TET2: variants seen among roughly 807,000 people sequenced by gnomAD.
The protein encoded by TET2 is methylcytosine dioxygenase TET2.
A neutral mutation model predicts 142.9 loss-of-function variants in TET2; 299 were observed. The observed-to-expected ratio is 2.09, with a 90% CI of 1.90 to 2.30. The LOEUF (loss-of-function observed/expected upper bound fraction) is 2.30, where lower values mean the gene tolerates loss of function less well. Ranked by LOEUF, TET2 falls within the 30% of genes most tolerant of loss-of-function variation. The pLI is 0.00. For synonymous variants in TET2, 819 were observed against 849.0 expected (o/e 0.96, Z 0.61); for missense variants, 2,418 against 2,378.0 (o/e 1.02, Z -0.35).
At chr4:105,252,025 T>TG (rs1425489125) in intron 6 of TET2, among the ~76,000 whole-genome samples, 3 of 152,182 alleles carry the variant, frequency 2.0e-5, no homozygotes, top group African/African-American at 7.2e-5. Flanking sequence ...TCAATGAACC[T>TG]GCATTGACAA....
intron 3 of TET2, chr4:105,240,180 A>G (rs968077497): frequency 4.1e-6 from 1 of 244,186 alleles, no homozygotes; most frequent in African/African-American, 2.2e-5. Flanking sequence ...ATACAGAGAC[A>G]TGAAGTGAGC....
At position 105,235,508 on chromosome 4, in the gene TET2, TGGAGA is replaced by T. The variant is rs1244894731; in HGVS notation, c.1568_1572del (p.Gly523AlafsTer42). 6.2e-7 allele frequency: 1 copy of T among 1,614,062 alleles called. No individual in the cohort carries two copies. The highest frequency in any genetic ancestry group is 8.5e-7 in the Non-Finnish European group (1 of 1,179,992). On this transcript the variant is annotated frameshift_variant, in exon 3 of 11. Coordinates refer to ENST00000380013, the MANE Select transcript of TET2 (RefSeq NM_001127208.3). LOFTEE classifies it high-confidence loss of function. ...ATAACCCACCAATTTTTGGTAGCAG[TGGAGA>T]GCTACAGGACAACTGCCAGCAGTTG...
intron 2 of TET2, among the ~76,000 whole-genome samples, chr4:105,205,908 A>T (rs1370234690): frequency 6.6e-6 from 1 of 152,238 alleles, no homozygotes; most frequent in Non-Finnish European, 1.5e-5. Context: ...TGCTAGGATT[A>T]CAGGCGTGAG....
chr4:105,163,854 A>AGAGAGAGAGAGAGAGAGTGTGT (rs1553942671), intron 1 of TET2, among the ~76,000 whole-genome samples: 4 of 85,158 alleles, frequency 4.7e-5, no homozygotes, highest in Non-Finnish European at 7.2e-5. Flanking sequence ...AGAGAGAGAG[A>AGAGAGAGAGAGAGAGAGTGTGT]GTGTGTGTGT....
chr4:105,267,071 A>G (rs1202504906), intron 8 of TET2, among the ~76,000 whole-genome samples: 1 of 151,892 alleles, frequency 6.6e-6, no homozygotes, highest in Non-Finnish European at 1.5e-5. Context: ...AAGAGAGAAG[A>G]TGTAAGAGAA....
chr4:105,248,737 A>G (rs1729708306), intron 6 of TET2, among the ~76,000 whole-genome samples: 1 of 152,122 alleles, frequency 6.6e-6, no homozygotes, highest in Non-Finnish European at 1.5e-5. Flanking sequence ...TGCAAATGTC[A>G]CCTCTACCTA....
At chr4:105,239,803 A>G (rs939997367) in intron 3 of TET2, 5 of 229,904 alleles carry the variant, frequency 2.2e-5, no homozygotes, top group Non-Finnish European at 4.3e-5. Flanking sequence ...TTGGCTTTTG[A>G]CATGCCTTCC....
chr4:105,259,475 C>G (rs766323801), intron 6 of TET2, 144 bp from the exon 7 acceptor site: 2 of 647,000 alleles, frequency 3.1e-6, no homozygotes, highest in Admixed American at 3.4e-5. Context: ...TGAAATAGTT[C>G]TGTGTGTGGT....
rs1731201079 is a variant in TET2, at chr4:105,275,983, C to T, written c.5473C>T (p.Gln1825Ter). Reference protein sequence around the residue: ...GLHKLSDANGQEKQPLALVQG... With the variant: ...GLHKLSDANG ...ACACAAATTAAGTGATGCTAATGGT[C>T]AGGAAAAGCAGCCATTGGCACTAGT... Residue 1825 changes from glutamine to a stop codon, truncating the protein, a stop_gained, in exon 11 of 11, where the codon CAG becomes TAG. Coordinates refer to ENST00000380013, the MANE Select transcript of TET2 (RefSeq NM_001127208.3). LOFTEE classifies it low-confidence loss of function (END_TRUNC). 1 of 1,551,638 alleles carries T rather than the reference C, an allele frequency of 6.4e-7. No individual in the cohort carries two copies.
At chr4:105,167,167 A>G (rs935887734) in intron 1 of TET2, among the ~76,000 whole-genome samples, 1 of 151,828 alleles carries the variant, frequency 6.6e-6, no homozygotes, top group Admixed American at 6.6e-5. Context: ...AACTTTTGAT[A>G]TTTTTGTTAA....
chr4:105,193,281 A>G (rs755953053), intron 2 of TET2, among the ~76,000 whole-genome samples: 4 of 152,148 alleles, frequency 2.6e-5, no homozygotes, highest in African/African-American at 4.8e-5. Context: ...TAGGGCAGGA[A>G]TGGGCCAGGC....
chr4:105,239,244 A>G (rs1470137330), intron 3 of TET2: 2 of 241,782 alleles, frequency 8.3e-6, no homozygotes, highest in Non-Finnish European at 1.7e-5. Flanking sequence ...CAGAATGGTA[A>G]ATGAGTATGG....
intron 6 of TET2, among the ~76,000 whole-genome samples, chr4:105,252,877 A>G (rs1729940624): frequency 1.3e-5 from 2 of 152,250 alleles, no homozygotes; most frequent in Admixed American, 6.5e-5. Flanking sequence ...TTCCCGTACC[A>G]TTTCTTAAAG....
intron 1 of TET2, among the ~76,000 whole-genome samples, chr4:105,165,041 T>C (rs1262839455): frequency 6.6e-6 from 1 of 152,152 alleles, no homozygotes; most frequent in Non-Finnish European, 1.5e-5. Flanking sequence ...TGTATCATAT[T>C]TTCAGGAAGA....
chr4:105,182,678 C>A (rs1289195158), intron 1 of TET2, among the ~76,000 whole-genome samples: 1 of 152,044 alleles, frequency 6.6e-6, no homozygotes, highest in African/African-American at 2.4e-5. Context: ...TTCCTTGTTT[C>A]AATTTTTAGA....
chr4:105,228,193 T>C (rs1370154437), intron 2 of TET2, among the ~76,000 whole-genome samples: 1 of 152,122 alleles, frequency 6.6e-6, no homozygotes, highest in Non-Finnish European at 1.5e-5. Flanking sequence ...AAAGAAAATA[T>C]TGCATTTTTC....
Position 105,278,171 on chromosome 4 carries a change from CATAT to C in TET2, c.*1681_*1684del, listed in dbSNP as rs61328453. ...GTACTGTAAAAAAATTAAATATATACATATATATATATATATATATATATATATA... is the reference window on the plus strand; with the variant it reads ...GTACTGTAAAAAAATTAAATATATACATATATATATATATATATATATATA... On this transcript the variant is annotated 3_prime_UTR_variant, in exon 11 of 11. Coordinates refer to ENST00000380013, the MANE Select transcript of TET2 (RefSeq NM_001127208.3). The C allele has an allele frequency of 0.078, 8,910 of 113,986 alleles. 344 individuals are homozygous for C. The highest frequency in any genetic ancestry group is 0.11 in the South Asian group (384 of 3,560). 7.1% of individuals were successfully genotyped at this position (113,986 alleles called of 1,614,324 possible). A position where few individuals can be genotyped will look rare whatever the true frequency, so the allele number is the denominator to read the frequency against.
chr4:105,245,149 A>G (rs957877739), intron 6 of TET2, among the ~76,000 whole-genome samples: 3 of 152,226 alleles, frequency 2.0e-5, no homozygotes, highest in African/African-American at 7.2e-5. Context: ...TCAATTATAA[A>G]TAATCTCTTT....
chr4:105,146,509 C>A (rs1472667405), upstream of TET2: 1 of 152,476 alleles, frequency 6.6e-6, no homozygotes, highest in Non-Finnish European at 1.5e-5. Flanking sequence ...ACTGCGCGCC[C>A]CGCTGTACGG....
Sources: allele counts gnomAD v4.1 joint callset (sites outside exome capture counted in the v4.1 genomes callset), GRCh38; gene constraint gnomAD v4.1.1; transcripts MANE v1.5; gene names NCBI Gene and HGNC (gene_info 2026-07-23, HGNC 2026-07-21).